The following ASCC1 variants were observed in gnomAD, a reference collection of about 807,000 sequenced individuals.
ASCC1 encodes the protein ASC-1 complex subunit P50.
A neutral mutation model predicts 46.6 loss-of-function variants in ASCC1; 35 were observed. The observed-to-expected ratio is 0.75, with a 90% CI of 0.57 to 0.99. The LOEUF (loss-of-function observed/expected upper bound fraction) is 0.99. Among genes scored for constraint, ASCC1 ranks in the 50% least tolerant of loss-of-function variants. The pLI is 0.00. For missense variants in ASCC1, 376 were observed against 428.7 expected, an observed-to-expected ratio of 0.88 and a Z score of 1.09; for synonymous variants, 143 against 146.6, an observed-to-expected ratio of 0.98 and a Z score of 0.18.
At chr10:72,126,867 A>G (rs1226834917) in intron 9 of ASCC1, among the ~76,000 whole-genome samples, 1 of 152,206 alleles carries the variant, frequency 6.6e-6, no homozygotes, top group Admixed American at 6.5e-5. Context: ...CAAAAACAAG[A>G]AAACTACTCA....
intron 4 of ASCC1, among the ~76,000 whole-genome samples, chr10:72,197,906 A>AGAATAAATAAATAAAT (rs1554840415): frequency 7.1e-6 from 1 of 139,940 alleles, no homozygotes; most frequent in African/African-American, 3.1e-5. Context: ...ACCCTGTCTC[A>AGAATAAATAAATAAAT]AAATAAATAA....
chr10:72,149,455 A>G (rs1323328621), intron 7 of ASCC1, among the ~76,000 whole-genome samples: 1 of 150,772 alleles, frequency 6.6e-6, no homozygotes, highest in East Asian at 1.9e-4. Flanking sequence ...AAAAAAAAAA[A>G]AAAAAAAAAG....
chr10:72,187,485 CTGGG>C (rs1853640715), intron 5 of ASCC1, among the ~76,000 whole-genome samples: 1 of 151,780 alleles, frequency 6.6e-6, no homozygotes, highest in African/African-American at 2.4e-5. Flanking sequence ...CTTTGGGAGG[CTGGG>C]CCAGGCGGAT....
intron 5 of ASCC1, among the ~76,000 whole-genome samples, chr10:72,182,211 T>A (rs1037563181): frequency 5.3e-5 from 8 of 152,132 alleles, no homozygotes; most frequent in African/African-American, 1.9e-4. Flanking sequence ...GTTAAGAAGT[T>A]GCAGGAACCA....
At chr10:72,140,095 T>C (rs1846782540) in intron 7 of ASCC1, among the ~76,000 whole-genome samples, 1 of 152,216 alleles carries the variant, frequency 6.6e-6, no homozygotes, top group Non-Finnish European at 1.5e-5. Context: ...ATCAGTTAAA[T>C]GAATAAATAA....
chr10:72,197,706 G>A (rs1855673897), intron 4 of ASCC1, among the ~76,000 whole-genome samples: 1 of 151,590 alleles, frequency 6.6e-6, no homozygotes, highest in Admixed American at 6.6e-5. Flanking sequence ...AGGAGTTCAA[G>A]ACCAGCCTGG....
chr10:72,151,921 C>T (rs986832508), intron 7 of ASCC1, among the ~76,000 whole-genome samples: 1 of 151,184 alleles, frequency 6.6e-6, no homozygotes, highest in Non-Finnish European at 1.5e-5. Flanking sequence ...GATCTCCTGA[C>T]CTCGTGATCC....
intron 8 of ASCC1, among the ~76,000 whole-genome samples, chr10:72,132,836 A>G (rs991190120): frequency 6.6e-6 from 1 of 152,216 alleles, no homozygotes; most frequent in African/African-American, 2.4e-5. Flanking sequence ...TGTATTTGCT[A>G]AATATGGCAA....
chr10:72,196,710 G>T, intron 5 of ASCC1, 101 bp downstream of exon 5: 1 of 1,203,622 alleles, frequency 8.3e-7, no homozygotes, highest in South Asian at 1.4e-5. Context: ...TTTTGGTGGG[G>T]GAAGAAGTTT....
chr10:72,147,593 T>C (rs1023998403), intron 7 of ASCC1, among the ~76,000 whole-genome samples: 1 of 152,126 alleles, frequency 6.6e-6, no homozygotes, highest in African/African-American at 2.4e-5. Context: ...ACTCTAAGAA[T>C]TGGAACATAG....
At chr10:72,156,000 C>G (rs1039259238) in intron 6 of ASCC1, among the ~76,000 whole-genome samples, 2 of 152,184 alleles carry the variant, frequency 1.3e-5, no homozygotes, top group African/African-American at 4.8e-5. Flanking sequence ...TGGTCACAGG[C>G]TGATATATTA....
chr10:72,208,617 A>C (rs1184308337), intron 3 of ASCC1, among the ~76,000 whole-genome samples: 1 of 152,092 alleles, frequency 6.6e-6, no homozygotes, highest in African/African-American at 2.4e-5. Flanking sequence ...AAAATTAGCC[A>C]GGTGTAGTAG....
intron 3 of ASCC1, among the ~76,000 whole-genome samples, chr10:72,210,473 T>G (rs2133486662): frequency 6.6e-6 from 1 of 152,288 alleles, no homozygotes; most frequent in South Asian, 2.1e-4. Flanking sequence ...ACCTCTTTTC[T>G]TTATAAATTA....
At chr10:72,103,228 G>T (rs1262428364) in intron 9 of ASCC1, among the ~76,000 whole-genome samples, 1 of 151,520 alleles carries the variant, frequency 6.6e-6, no homozygotes, top group Non-Finnish European at 1.5e-5. Context: ...CACCTCCCGG[G>T]TTCATGCCAT....
At chr10:72,205,648 A>AT (rs1397290411) in intron 3 of ASCC1, among the ~76,000 whole-genome samples, 20 of 138,062 alleles carry the variant, frequency 1.4e-4, no homozygotes, top group African/African-American at 5.2e-4. Context: ...AAAAAAAAAA[A>AT]TAGCAGGGTG....
At chr10:72,153,085 G>A in intron 6 of ASCC1, 97 bp from the exon 7 acceptor site, 1 of 1,470,714 alleles carries the variant, frequency 6.8e-7, no homozygotes, top group Non-Finnish European at 9.4e-7. Context: ...AAATATGTAT[G>A]TTACTTACAT....
intron 5 of ASCC1, among the ~76,000 whole-genome samples, chr10:72,191,349 G>A (rs1482426003): frequency 1.3e-5 from 2 of 151,354 alleles, no homozygotes; most frequent in Non-Finnish European, 2.9e-5. Context: ...ACAGGCATGA[G>A]CCACCGCGCC....
intron 6 of ASCC1, among the ~76,000 whole-genome samples, chr10:72,160,954 G>A (rs980962791): frequency 6.6e-6 from 1 of 151,722 alleles, no homozygotes; most frequent in Non-Finnish European, 1.5e-5. Flanking sequence ...GCGGTGGCGG[G>A]CGCCTGTAGT....
At chr10:72,149,208 G>A (rs774578555) in intron 7 of ASCC1, among the ~76,000 whole-genome samples, 1 of 151,892 alleles carries the variant, frequency 6.6e-6, no homozygotes, top group Non-Finnish European at 1.5e-5. Context: ...GGAGGCCAAG[G>A]TGGACAGAGC....
Sources: allele counts gnomAD v4.1 joint callset (sites outside exome capture counted in the v4.1 genomes callset), GRCh38; gene constraint gnomAD v4.1.1; transcripts MANE v1.5; gene names NCBI Gene and HGNC (gene_info 2026-07-23, HGNC 2026-07-21).